Variants in MTSS2 observed in about 807,000 individuals in gnomAD.
The protein encoded by MTSS2 is MTSS I-BAR domain containing 2.
In MTSS2, 27 loss-of-function variants were observed where a neutral mutation model predicts 67.1. That is an observed-to-expected ratio of 0.40 (90% CI 0.30 to 0.55). The LOEUF is 0.55. Among genes scored for constraint, MTSS2 ranks in the 20% least tolerant of loss-of-function variants. MTSS2 has a pLI of 0.43. For synonymous variants in MTSS2, 624 were observed against 468.6 expected (o/e 1.33, Z -4.28); for missense variants, 1,171 against 1,067.8 (o/e 1.10, Z -1.35).
At chr16:70,680,918 G>GGGGGGGGGGGGCCCCCC in intron 2 of MTSS2, 46 bp downstream of exon 2, 1 of 1,097,894 alleles carries the variant, frequency 9.1e-7, no homozygotes. Flanking sequence ...CGGGGGGGGG[G>GGGGGGGGGGGGCCCCCC]CCTCTGCCTG....
intron 11 of MTSS2, among the ~76,000 whole-genome samples, chr16:70,673,244 G>A (rs1597812167): frequency 6.6e-6 from 1 of 152,128 alleles, no homozygotes; most frequent in African/African-American, 2.4e-5. Context: ...CCAACAAGGA[G>A]AGGTTAAATA....
Position 70,664,286 on chromosome 16 carries a change from C to T in MTSS2, c.1635G>A (p.Ala545=), listed in dbSNP as rs765567676. The T allele has an allele frequency of 2.1e-5, 33 of 1,562,346 alleles. No individual in the cohort carries two copies. The highest frequency in any genetic ancestry group is 1.7e-4 in the Middle Eastern group (1 of 5,812). The change falls in exon 15 of 15, where the codon GCG becomes GCA. Residue 545 remains alanine, a synonymous_variant. Coordinates refer to ENST00000338779, the MANE Select transcript of MTSS2 (RefSeq NM_138383.3). Reference sequence around the variant, plus strand: ...GCAGGCCAGTGGCCGTGGGCAGCCCCGCGGTGGGCAGCCCAGCAGTGGAGG... The same window carrying T: ...GCAGGCCAGTGGCCGTGGGCAGCCCTGCGGTGGGCAGCCCAGCAGTGGAGG... ...RPASTAGLPT[A]GLPTATGLPS...
At position 70,679,711 on chromosome 16, in the gene MTSS2, A is replaced by T. The variant is rs1190450420; in HGVS notation, c.383-7T>A. On this transcript the variant is annotated splice_polypyrimidine_tract_variant and splice_region_variant and intron_variant, in intron 5 of 14. Transcript: ENST00000338779. ...TGCCGGGCTCGTTTGTACTCTGCAG[A>T]AGGGGAGAGCGGAGCGCTCTAATGG... The T allele has an allele frequency of 1.2e-6, 2 of 1,611,216 alleles. No homozygotes were observed. Among genetic ancestry groups the T allele is most frequent in the Non-Finnish European group, 1.7e-6 (2 of 1,178,846 alleles).
intron 11 of MTSS2, among the ~76,000 whole-genome samples, chr16:70,671,588 G>A (rs2052938708): frequency 6.6e-6 from 1 of 152,152 alleles, no homozygotes; most frequent in South Asian, 2.1e-4. Flanking sequence ...GACAGAAATA[G>A]AAAGTCACCT....
chr16:70,679,225 G>C, intron 7 of MTSS2, 90 bp downstream of exon 7: 2 of 1,499,132 alleles, frequency 1.3e-6, no homozygotes, highest in Non-Finnish European at 1.9e-6. Flanking sequence ...TTGGCCTGGA[G>C]AGGTTCCTTC....
chr16:70,680,117 G>GCCAGGAGGGGGCGCCCCGGC, intron 3 of MTSS2, 62 bp from the exon 4 acceptor site: 1 of 1,188,962 alleles, frequency 8.4e-7, no homozygotes, highest in Non-Finnish European at 1.1e-6. Flanking sequence ...CCGGCCTCGG[G>GCCAGGAGGGGGCGCCCCGGC]CCAGGAGGGG....
intron 2 of MTSS2, 46 bp downstream of exon 2, chr16:70,680,918 G>T (rs1240249821): frequency 2.7e-6 from 3 of 1,097,926 alleles, no homozygotes; most frequent in East Asian, 5.2e-5. Flanking sequence ...CGGGGGGGGG[G>T]CCTCTGCCTG....
At chr16:70,680,717 C>G in intron 3 of MTSS2, 77 bp downstream of exon 3, 1 of 1,314,614 alleles carries the variant, frequency 7.6e-7, no homozygotes, top group South Asian at 1.3e-5. Context: ...CTTTCCCTGG[C>G]CCATCCCCTA....
intron 11 of MTSS2, among the ~76,000 whole-genome samples, chr16:70,673,981 A>G (rs766732393): frequency 1.3e-5 from 2 of 152,240 alleles, no homozygotes; most frequent in Non-Finnish European, 2.9e-5. Flanking sequence ...GAAGAAAGCC[A>G]GAAGTCCAAA....
chr16:70,677,694 C>A, intron 9 of MTSS2, 98 bp downstream of exon 9: 1 of 953,856 alleles, frequency 1.0e-6, no homozygotes, highest in South Asian at 1.6e-5. Flanking sequence ...CTGCCTCCCC[C>A]AAATGCCATC....
In MTSS2 at chr16:70,676,951, A is replaced by G. The variant is rs1254004985; in HGVS notation, c.760T>C (p.Tyr254His). 3.7e-6 allele frequency: 6 copies of G among 1,613,800 alleles called. No individual in the cohort carries two copies. The highest frequency in any genetic ancestry group is 5.1e-6 in the Non-Finnish European group (6 of 1,179,952). Reference protein sequence around the residue: ...QVIKDLKGSDYSWSYQTPPSS... With the variant: ...QVIKDLKGSDHSWSYQTPPSS... ...GGTGGGGTCTGGTAGGACCAGCTGT[A>G]GTCCGAGCCCTTTAGGTCTTTGATT... is the stretch of plus-strand genomic sequence containing the variant. The change falls in exon 10 of 15, where the codon TAC (tyrosine) becomes CAC (histidine). Residue 254 changes from tyrosine to histidine, a missense_variant. By Grantham distance (83) the Tyr-to-His change is moderately conservative. Transcript: ENST00000338779.
At chr16:70,665,346 C>T in intron 12 of MTSS2, 120 bp downstream of exon 12, 1 of 1,105,954 alleles carries the variant, frequency 9.0e-7, no homozygotes, top group Non-Finnish European at 1.3e-6. Flanking sequence ...GGGACAGGTG[C>T]TGTGTGCACG....
At chr16:70,666,800 G>A (rs938048534) in intron 11 of MTSS2, among the ~76,000 whole-genome samples, 2 of 152,160 alleles carry the variant, frequency 1.3e-5, no homozygotes, top group African/African-American at 4.8e-5. Context: ...ACAATACAAA[G>A]ACACAAGCTG....
At chr16:70,677,433 G>A (rs1463262592) in intron 9 of MTSS2, among the ~76,000 whole-genome samples, 2 of 151,978 alleles carry the variant, frequency 1.3e-5, no homozygotes, top group African/African-American at 2.4e-5. Flanking sequence ...GGCCAGGTAC[G>A]CCTGGGTCTA....
At chr16:70,674,628 G>C in intron 10 of MTSS2, 100 bp from the exon 11 acceptor site, 85 of 936,772 alleles carry the variant, frequency 9.1e-5, no homozygotes, top group Non-Finnish European at 1.2e-4. Context: ...AGAGGTGAGG[G>C]GCAAAGGAAG....
At chr16:70,668,088 A>G (rs1201995769) in intron 11 of MTSS2, among the ~76,000 whole-genome samples, 2 of 151,854 alleles carry the variant, frequency 1.3e-5, no homozygotes, top group African/African-American at 4.8e-5. Context: ...TAACCAAGCT[A>G]GGGGACTTCC....
chr16:70,663,948 GC>G lies in MTSS2; in HGVS notation c.1972del (p.Ala658GlnfsTer110). ...PSPEAAGYPGAGAEDEQQQLA... is the reference protein window; with the variant it reads ...PSPEAAGYPGXGAEDEQQQLA... ...CTGCTGCTGCTCGTCCTCGGCCCCT[GC>G]CCCGGGGTACCCGGCTGCCTCTGGG... is the stretch of plus-strand genomic sequence containing the variant. On this transcript the variant is annotated frameshift_variant, in exon 15 of 15. Transcript: ENST00000338779. LOFTEE classifies it low-confidence loss of function (END_TRUNC). 1 of 1,560,342 alleles carries G rather than the reference GC, an allele frequency of 6.4e-7. No homozygotes were observed. Among genetic ancestry groups the G allele is most frequent in the East Asian group, 2.4e-5 (1 of 42,222 alleles).
At chr16:70,666,411 GA>G (rs1194156812) in intron 11 of MTSS2, among the ~76,000 whole-genome samples, 1 of 152,196 alleles carries the variant, frequency 6.6e-6, no homozygotes, top group Non-Finnish European at 1.5e-5. Context: ...AAAGAATAAA[GA>G]AAAAAGCAGG....
intron 11 of MTSS2, among the ~76,000 whole-genome samples, chr16:70,669,377 C>T (rs768284471): frequency 7.9e-5 from 12 of 152,150 alleles, no homozygotes; most frequent in African/African-American, 1.4e-4. Flanking sequence ...AATATTCTAA[C>T]GGTCTTTAAA....
Sources: allele counts gnomAD v4.1 joint callset (sites outside exome capture counted in the v4.1 genomes callset), GRCh38; gene constraint gnomAD v4.1.1; transcripts MANE v1.5; gene names NCBI Gene and HGNC (gene_info 2026-07-23, HGNC 2026-07-21).